The following PTPRS variants were observed in gnomAD, a reference collection of about 807,000 sequenced individuals.
The protein encoded by PTPRS is protein tyrosine phosphatase receptor type S, also known as receptor-type tyrosine-protein phosphatase S.
In PTPRS, 63 loss-of-function variants were observed where a neutral mutation model predicts 215.3. The observed-to-expected ratio is 0.29, with a 90% CI of 0.24 to 0.36. The LOEUF is 0.36. PTPRS is among the 10% of genes least tolerant of loss of function. PTPRS has a pLI of 1.00. For synonymous variants in PTPRS, 1,404 were observed against 1,191.4 expected (o/e 1.18, Z -3.68); for missense variants, 2,258 against 2,825.8 (o/e 0.80, Z 4.56).
chr19:5,340,225 C>G (rs1210346503), intron 1 of PTPRS, among the ~76,000 whole-genome samples: 2 of 149,478 alleles, frequency 1.3e-5, no homozygotes, highest in African/African-American at 4.9e-5. Flanking sequence ...CCAGGACCCG[C>G]CCGGGGACCC....
intron 9 of PTPRS, among the ~76,000 whole-genome samples, chr19:5,248,177 T>C (rs1052720050): frequency 6.6e-5 from 10 of 151,588 alleles, no homozygotes; most frequent in Non-Finnish European, 8.8e-5. Flanking sequence ...CAAGGCTGAG[T>C]TGTCATGGAA....
chr19:5,226,113 C>T (rs769211142), intron 16 of PTPRS, among the ~76,000 whole-genome samples: 13 of 152,348 alleles, frequency 8.5e-5, no homozygotes, highest in South Asian at 8.3e-4. Context: ...CCATCACCCC[C>T]GACAGTCTGT....
At chr19:5,235,225 C>G (rs965879298) in intron 13 of PTPRS, among the ~76,000 whole-genome samples, 4 of 152,086 alleles carry the variant, frequency 2.6e-5, no homozygotes, top group African/African-American at 9.7e-5. Context: ...CAGGCATGAG[C>G]CGCCGCGCCC....
intron 3 of PTPRS, 87 bp downstream of exon 3, chr19:5,274,112 G>A (rs530861307): frequency 2.6e-6 from 4 of 1,511,784 alleles, no homozygotes; most frequent in Admixed American, 3.9e-5. Context: ...TGGGGAACGT[G>A]TCCACGAAGT....
rs374353530 is a variant in PTPRS, at chr19:5,246,130, G to A, written c.719-85C>T. The A allele has an allele frequency of 9.9e-5, 71 of 718,966 alleles. 1 individual carries two copies. The African/African-American group carries it at 1.2e-3, about 12-fold the overall frequency. The allele number at this position is 718,966 out of a possible 1,614,324, so 44.5% of individuals were successfully genotyped here. A position where few individuals can be genotyped will look rare whatever the true frequency, so the allele number is the denominator to read the frequency against. The stretch of plus-strand genomic sequence containing the variant: ...TTGGGAGGGGAAGACAGGATGCGGA[G>A]GAGAAAAAGAAAAGCAGGAAGGAAG... On this transcript the variant is annotated intron_variant, in intron 9 of 37. Transcript: ENST00000262963.
chr19:5,315,005 G>A (rs1232720632), intron 1 of PTPRS, among the ~76,000 whole-genome samples: 3 of 152,162 alleles, frequency 2.0e-5, no homozygotes, highest in Non-Finnish European at 4.4e-5. Flanking sequence ...CTATGCACTA[G>A]GCCCAGTGCA....
At chr19:5,273,325 T>C (rs973108966) in intron 4 of PTPRS, 117 bp downstream of exon 4, 1 of 1,433,182 alleles carries the variant, frequency 7.0e-7, no homozygotes, top group Non-Finnish European at 9.8e-7. Flanking sequence ...GAGATCAAGG[T>C]CCTCCCAAAA....
chr19:5,252,526 G>A (rs1017323469), intron 9 of PTPRS, among the ~76,000 whole-genome samples: 2 of 145,088 alleles, frequency 1.4e-5, no homozygotes, highest in Non-Finnish European at 3.0e-5. Flanking sequence ...GCAGTGAGCC[G>A]AGATTGCGCC....
At chr19:5,246,348 G>T (rs2044482809) in intron 9 of PTPRS, among the ~76,000 whole-genome samples, 1 of 152,044 alleles carries the variant, frequency 6.6e-6, no homozygotes, top group Non-Finnish European at 1.5e-5. Context: ...ACAATATATA[G>T]AGAGATATAT....
In PTPRS at chr19:5,206,851, G is replaced by A. The variant is rs2144882083; in HGVS notation, c.5779-9C>T. On this transcript the variant is annotated splice_polypyrimidine_tract_variant and intron_variant, in intron 37 of 37. Transcript: ENST00000262963. ...CAGAACTGGTACTCATCCTGGGGGA[G>A]CAGAGGTGACCTGTTAGTACCTCCG... 2 of 1,613,874 alleles carry A rather than the reference G, an allele frequency of 1.2e-6. No homozygotes were observed. The highest frequency in any genetic ancestry group is 1.1e-5 in the South Asian group (1 of 91,078).
At chr19:5,274,151 C>A in intron 3 of PTPRS, 48 bp downstream of exon 3, 3 of 1,580,110 alleles carry the variant, frequency 1.9e-6, no homozygotes, top group Non-Finnish European at 2.6e-6. Flanking sequence ...TGTGGCCCTG[C>A]CTTGGGGGAG....
intron 9 of PTPRS, among the ~76,000 whole-genome samples, chr19:5,249,542 C>G (rs778106663): frequency 6.6e-6 from 1 of 152,196 alleles, no homozygotes; most frequent in Non-Finnish European, 1.5e-5. Flanking sequence ...TGGTTGCTGC[C>G]TCTCAGAGAA....
In PTPRS at chr19:5,205,982, G is replaced by GAAAA. The variant is rs71743139; in HGVS notation, c.*788_*791dup. Among the ~76,000 whole-genome samples, 7 of 132,072 alleles carry GAAAA rather than the reference G, an allele frequency of 5.3e-5. No homozygotes were observed. Among genetic ancestry groups the GAAAA allele is most frequent in the African/African-American group, 1.7e-4 (6 of 35,276 alleles). 86.6% of individuals were successfully genotyped at this position (132,072 alleles called of 152,430 possible). On this transcript the variant is annotated 3_prime_UTR_variant, in exon 38 of 38. Transcript: ENST00000262963. Reference sequence around the variant, plus strand: ...TTTATAAAAATGAAACAAAAAGGGGGAAAAAAAAAGCCAAGAAAGAAAAAA... The same window carrying GAAAA: ...TTTATAAAAATGAAACAAAAAGGGGGAAAAAAAAAAAAAGCCAAGAAAGAAAAAA...
chr19:5,305,790 A>G (rs2049469651), intron 1 of PTPRS, among the ~76,000 whole-genome samples: 1 of 143,792 alleles, frequency 7.0e-6, no homozygotes, highest in Non-Finnish European at 1.5e-5. Context: ...GCAAATTCCA[A>G]TTAGCCGGGC....
intron 1 of PTPRS, among the ~76,000 whole-genome samples, chr19:5,297,453 G>A (rs4807713): frequency 0.2 from 29,677 of 152,092 alleles, 3,062 homozygotes; most frequent in Admixed American, 0.29. Context: ...AGGACACAGT[G>A]GTAAGCATGA....
At chr19:5,224,468 C>T (rs1375911942) in intron 17 of PTPRS, among the ~76,000 whole-genome samples, 2 of 152,184 alleles carry the variant, frequency 1.3e-5, no homozygotes, top group African/African-American at 4.8e-5. Context: ...ATAAAGAAAT[C>T]CAAAATCCGC....
intron 2 of PTPRS, among the ~76,000 whole-genome samples, chr19:5,280,344 G>C (rs951317045): frequency 1.3e-5 from 2 of 152,232 alleles, no homozygotes; most frequent in African/African-American, 4.8e-5. Context: ...CCAGTGGCCT[G>C]ACCAGCCTAA....
chr19:5,259,356 C>A (rs1342627136), intron 7 of PTPRS, among the ~76,000 whole-genome samples: 2 of 152,154 alleles, frequency 1.3e-5, no homozygotes, highest in South Asian at 2.1e-4. Context: ...AAATCACAGG[C>A]CTTGATCAAA....
rs114185141 is a variant in PTPRS at position 5,211,896 on chromosome 19, C to T, written c.5055+69G>A. 3,581 of 1,553,934 alleles carry T rather than the reference C, an allele frequency of 2.3e-3. 71 individuals carry two copies. The African/African-American group carries it at 0.041, about 18-fold the overall frequency. ...ACCTTCTAGTCCCCATTGCTCGAGGCGGGCCTGATTTTCGGCTCTTTGGGC... is the reference window on the plus strand; with the variant it reads ...ACCTTCTAGTCCCCATTGCTCGAGGTGGGCCTGATTTTCGGCTCTTTGGGC... On this transcript the variant is annotated intron_variant, in intron 32 of 37. Transcript: ENST00000262963.
Sources: allele counts gnomAD v4.1 joint callset (sites outside exome capture counted in the v4.1 genomes callset), GRCh38; gene constraint gnomAD v4.1.1; transcripts MANE v1.5; gene names NCBI Gene and HGNC (gene_info 2026-07-23, HGNC 2026-07-21).